The following BANK1 variants were observed in gnomAD, a reference collection of about 807,000 sequenced individuals.
The protein encoded by BANK1 is B-cell scaffold protein with ankyrin repeats.
BANK1 carries 95 observed loss-of-function variants against 94.5 expected under a neutral mutation model. The ratio of observed to expected loss-of-function variants is 1.00; its 90% CI spans 0.85 to 1.19. The LOEUF is 1.19. BANK1 is among the 50% of genes most tolerant of loss of function. The pLI is 0.00. For missense variants in BANK1, 987 were observed against 932.2 expected (o/e 1.06, Z -0.77); for synonymous variants, 334 against 308.4 (o/e 1.08, Z -0.87).
chr4:101,950,563 C>T (rs564548649), intron 7 of BANK1, among the ~76,000 whole-genome samples: 20 of 152,222 alleles, frequency 1.3e-4, no homozygotes, highest in African/African-American at 4.8e-4. Flanking sequence ...CTTTGAAAAC[C>T]AAATATTTCC....
intron 10 of BANK1, among the ~76,000 whole-genome samples, chr4:102,030,726 G>T (rs981948951): frequency 1.3e-5 from 2 of 152,096 alleles, no homozygotes; most frequent in Non-Finnish European, 2.9e-5. Context: ...TGCTGAGAAT[G>T]ATGGTTTCCA....
chr4:101,936,195 A>ATAT (rs1553934068), intron 7 of BANK1, among the ~76,000 whole-genome samples: 104 of 149,178 alleles, frequency 7.0e-4, no homozygotes, highest in African/African-American at 2.4e-3. Context: ...TGATATATAT[A>ATAT]TTTTTTATAT....
chr4:102,027,681 A>AAG (rs986428285), intron 9 of BANK1, among the ~76,000 whole-genome samples: 1 of 151,590 alleles, frequency 6.6e-6, no homozygotes, highest in African/African-American at 2.4e-5. Context: ...AAAAAAAAAA[A>AAG]AAAGCCTTCT....
At chr4:101,822,863 C>T (rs532086010) in intron 1 of BANK1, among the ~76,000 whole-genome samples, 7 of 152,140 alleles carry the variant, frequency 4.6e-5, no homozygotes, top group Non-Finnish European at 1.0e-4. Flanking sequence ...GATCCGCCCG[C>T]CTCGGCCTCC....
chr4:101,790,772 A>G lies in BANK1; in HGVS notation c.-109A>G. 1 of 1,213,094 alleles carries G rather than the reference A, an allele frequency of 8.2e-7. No homozygotes were observed. The highest frequency in any genetic ancestry group is 1.2e-6 in the Non-Finnish European group (1 of 855,682). The allele number at this position is 1,213,094 out of a possible 1,614,324, so 75.1% of individuals were successfully genotyped here. The stretch of plus-strand genomic sequence containing the variant: ...TCCGCGGGTGGCAAGCGGGCTGGGG[A>G]GAGCCGAGGGCCAAAGGAAGAGAAA... On this transcript the variant is annotated 5_prime_UTR_variant, in exon 1 of 17. Transcript: ENST00000322953.
intron 11 of BANK1, among the ~76,000 whole-genome samples, chr4:102,044,305 G>GT (rs1437139250): frequency 2.0e-5 from 3 of 152,090 alleles, no homozygotes; most frequent in Non-Finnish European, 4.4e-5. Flanking sequence ...TCTTGCGACA[G>GT]TTTACTGAGA....
At chr4:101,935,712 C>G (rs1198958662) in intron 7 of BANK1, among the ~76,000 whole-genome samples, 1 of 151,310 alleles carries the variant, frequency 6.6e-6, no homozygotes, top group East Asian at 2.0e-4. Flanking sequence ...GGAATAAATC[C>G]TCTCTCTACA....
chr4:101,979,407 T>C (rs1560663517), intron 7 of BANK1, among the ~76,000 whole-genome samples: 1 of 151,898 alleles, frequency 6.6e-6, no homozygotes, highest in African/African-American at 2.4e-5. Context: ...TTGTTCTGAG[T>C]AGAAAAACTC....
chr4:102,029,785 T>C (rs771004605), intron 9 of BANK1, among the ~76,000 whole-genome samples, 175 bp from the exon 10 acceptor site: 9 of 152,066 alleles, frequency 5.9e-5, no homozygotes, highest in Admixed American at 1.3e-4. Context: ...TCACTTTTTC[T>C]GCATTTAGGG....
intron 6 of BANK1, among the ~76,000 whole-genome samples, chr4:101,901,329 C>T (rs1017215982): frequency 6.6e-6 from 1 of 152,162 alleles, no homozygotes; most frequent in Non-Finnish European, 1.5e-5. Context: ...CTGATTGAGA[C>T]AATGCAAAGT....
At chr4:101,816,478 G>T (rs1725922319) in intron 1 of BANK1, among the ~76,000 whole-genome samples, 1 of 151,910 alleles carries the variant, frequency 6.6e-6, no homozygotes, top group African/African-American at 2.4e-5. Context: ...CCATGAGTGG[G>T]GCTGTGATGT....
intron 1 of BANK1, among the ~76,000 whole-genome samples, chr4:101,828,200 T>G (rs1726437733): frequency 6.6e-6 from 1 of 151,778 alleles, no homozygotes; most frequent in Non-Finnish European, 1.5e-5. Flanking sequence ...TTTTTGTAAA[T>G]GCCCTATTAG....
chr4:101,848,184 A>T (rs1464684403), intron 2 of BANK1, among the ~76,000 whole-genome samples: 1 of 151,934 alleles, frequency 6.6e-6, no homozygotes, highest in Non-Finnish European at 1.5e-5. Flanking sequence ...CCACTTCCGC[A>T]GTTGGGGCAC....
At chr4:101,950,066 T>TGTGTGTGTGTGTGC (rs1560648642) in intron 7 of BANK1, among the ~76,000 whole-genome samples, 2 of 121,896 alleles carry the variant, frequency 1.6e-5, no homozygotes, top group African/African-American at 7.4e-5. Flanking sequence ...TGTGTGCGCG[T>TGTGTGTGTGTGTGC]GCGCGCGCAT....
chr4:102,057,254 TTC>T, intron 11 of BANK1, among the ~76,000 whole-genome samples: 1 of 146,862 alleles, frequency 6.8e-6, no homozygotes, highest in South Asian at 2.2e-4. Context: ...CTCTCTCTCT[TTC>T]TCTTTCTCTC....
At chr4:101,879,302 C>T (rs977958649) in intron 5 of BANK1, among the ~76,000 whole-genome samples, 1 of 151,982 alleles carries the variant, frequency 6.6e-6, no homozygotes, top group South Asian at 2.1e-4. Flanking sequence ...TCCAAAGGAT[C>T]GTTAGTGGCT....
chr4:101,914,686 C>T (rs547617042), intron 6 of BANK1, among the ~76,000 whole-genome samples: 1 of 152,156 alleles, frequency 6.6e-6, no homozygotes, highest in Admixed American at 6.5e-5. Flanking sequence ...TTTAAAAATA[C>T]CTTATTTAAT....
chr4:102,013,821 T>C (rs1023652262), intron 7 of BANK1, among the ~76,000 whole-genome samples: 14 of 152,170 alleles, frequency 9.2e-5, no homozygotes, highest in Middle Eastern at 3.4e-3. Flanking sequence ...CACAATTTGG[T>C]CATATTAAAA....
intron 6 of BANK1, among the ~76,000 whole-genome samples, chr4:101,901,424 C>T (rs1263363198): frequency 6.6e-6 from 1 of 152,140 alleles, no homozygotes; most frequent in Non-Finnish European, 1.5e-5. Flanking sequence ...CTTTTTTGCT[C>T]ATTTTCCAAT....
Sources: allele counts gnomAD v4.1 joint callset (sites outside exome capture counted in the v4.1 genomes callset), GRCh38; gene constraint gnomAD v4.1.1; transcripts MANE v1.5; gene names NCBI Gene and HGNC (gene_info 2026-07-23, HGNC 2026-07-21).